The following XPO7 variants were observed in gnomAD, a reference collection of about 807,000 sequenced individuals.
XPO7 encodes exportin-7.
XPO7 carries 21 observed loss-of-function variants against 144.3 expected under a neutral mutation model. That is an observed-to-expected ratio of 0.15 (90% CI 0.10 to 0.21). The LOEUF (loss-of-function observed/expected upper bound fraction) is 0.21. XPO7 is among the 10% of genes least tolerant of loss of function. The probability of loss-of-function intolerance (pLI) is 1.00; values close to 1 mark genes in which losing one functional copy is unlikely to be tolerated. For synonymous variants in XPO7, 580 were observed against 499.6 expected, an observed-to-expected ratio of 1.16 and a Z score of -2.15; for missense variants, 808 against 1,325.8, an observed-to-expected ratio of 0.61 and a Z score of 6.06.
At chr8:21,938,090 A>G (rs941216211) in intron 1 of XPO7, among the ~76,000 whole-genome samples, 1 of 152,180 alleles carries the variant, frequency 6.6e-6, no homozygotes. Context: ...AATGTAACAG[A>G]TATTAACAAT....
intron 1 of XPO7, among the ~76,000 whole-genome samples, chr8:21,964,850 C>A (rs1811833917): frequency 6.6e-6 from 1 of 152,208 alleles, no homozygotes; most frequent in Non-Finnish European, 1.5e-5. Flanking sequence ...TAGACATTGT[C>A]ATGTGAACAA....
intron 1 of XPO7, among the ~76,000 whole-genome samples, chr8:21,957,972 G>C (rs779692458): frequency 2.0e-5 from 3 of 151,800 alleles, no homozygotes; most frequent in Non-Finnish European, 2.9e-5. Context: ...CTGAAGTGCT[G>C]TCTATGTCTA....
chr8:21,947,513 C>A (rs1811230733), intron 1 of XPO7, among the ~76,000 whole-genome samples: 1 of 152,118 alleles, frequency 6.6e-6, no homozygotes, highest in Non-Finnish European at 1.5e-5. Flanking sequence ...TTCAACCTTA[C>A]TAATACCATC....
chr8:21,942,327 G>A (rs1334620829), intron 1 of XPO7, among the ~76,000 whole-genome samples: 4 of 152,144 alleles, frequency 2.6e-5, no homozygotes, highest in Non-Finnish European at 5.9e-5. Context: ...AATATTTGCT[G>A]TAGAAATTAA....
chr8:21,947,198 AGTAACAGC>A (rs1270410842), intron 1 of XPO7, among the ~76,000 whole-genome samples: 1 of 152,236 alleles, frequency 6.6e-6, no homozygotes, highest in Non-Finnish European at 1.5e-5. Flanking sequence ...AATAAGGGAC[AGTAACAGC>A]GTAACACAGG....
chr8:21,995,085 TAAA>T (rs1353512711), intron 20 of XPO7, among the ~76,000 whole-genome samples: 1 of 147,830 alleles, frequency 6.8e-6, no homozygotes, highest in African/African-American at 2.6e-5. Context: ...ATAATAATAA[TAAA>T]CAGCTTTTAC....
At chr8:21,930,244 G>C (rs535390296) in intron 1 of XPO7, among the ~76,000 whole-genome samples, 1 of 152,088 alleles carries the variant, frequency 6.6e-6, no homozygotes, top group Admixed American at 6.6e-5. Context: ...TGGTTATTTG[G>C]TGAGATACAC....
At chr8:21,941,831 A>T (rs531689982) in intron 1 of XPO7, among the ~76,000 whole-genome samples, 1 of 152,186 alleles carries the variant, frequency 6.6e-6, no homozygotes, top group Non-Finnish European at 1.5e-5. Flanking sequence ...GGCGCATGCC[A>T]CCAGTAGTGA....
At chr8:21,983,170 T>C (rs746489485) in intron 11 of XPO7, among the ~76,000 whole-genome samples, 1 of 152,252 alleles carries the variant, frequency 6.6e-6, no homozygotes, top group Non-Finnish European at 1.5e-5. Flanking sequence ...GTGCTTAATG[T>C]GAACTCCTAA....
chr8:21,924,945 A>T (rs920207250), intron 1 of XPO7, among the ~76,000 whole-genome samples: 1 of 152,192 alleles, frequency 6.6e-6, no homozygotes, highest in African/African-American at 2.4e-5. Context: ...AGACACATAG[A>T]AGGAAATACA....
chr8:21,921,946 A>T (rs1472886757), intron 1 of XPO7, among the ~76,000 whole-genome samples: 1 of 152,138 alleles, frequency 6.6e-6, no homozygotes, highest in Admixed American at 6.5e-5. Context: ...GTGGCAGAAA[A>T]CCTTCTTATG....
chr8:21,956,734 CTT>C (rs1221638524), intron 1 of XPO7, among the ~76,000 whole-genome samples: 2 of 143,766 alleles, frequency 1.4e-5, no homozygotes, highest in Admixed American at 7.0e-5. Context: ...CTTTGAATGT[CTT>C]TTTTTTTTTT....
chr8:21,993,445 G>A (rs953519267), intron 19 of XPO7, among the ~76,000 whole-genome samples: 2 of 152,176 alleles, frequency 1.3e-5, no homozygotes, highest in Non-Finnish European at 2.9e-5. Context: ...AACGTGTCAA[G>A]ATCCCCAAAT....
chr8:21,921,719 A>G (rs1038837410), intron 1 of XPO7: 2 of 152,204 alleles, frequency 1.3e-5, no homozygotes, highest in Non-Finnish European at 2.9e-5. Flanking sequence ...AACAAAGGGG[A>G]GCATGTTGAT....
At chr8:21,982,511 C>A in intron 10 of XPO7, 129 bp from the exon 11 acceptor site, 1 of 1,108,206 alleles carries the variant, frequency 9.0e-7, no homozygotes, top group Non-Finnish European at 1.2e-6. Flanking sequence ...ATACACAGAA[C>A]AAAGCCCACA....
At chr8:21,977,108 G>T (rs181744433) in intron 7 of XPO7, among the ~76,000 whole-genome samples, 130 of 152,234 alleles carry the variant, frequency 8.5e-4, no homozygotes, top group Non-Finnish European at 1.6e-3. Flanking sequence ...AATCTATTTA[G>T]GGTAATAACT....
At chr8:21,949,793 C>T (rs1238073122) in intron 1 of XPO7, among the ~76,000 whole-genome samples, 1 of 152,100 alleles carries the variant, frequency 6.6e-6, no homozygotes, top group Non-Finnish European at 1.5e-5. Flanking sequence ...GCAGTAGCAC[C>T]ATCTCGGCTC....
chr8:21,942,952 A>C (rs911077855), intron 1 of XPO7, among the ~76,000 whole-genome samples: 1 of 152,222 alleles, frequency 6.6e-6, no homozygotes, highest in African/African-American at 2.4e-5. Flanking sequence ...CTCCCAGTGC[A>C]CTTTGATGCT....
chr8:21,972,952 G>C (rs562653146), intron 5 of XPO7, among the ~76,000 whole-genome samples: 8 of 152,172 alleles, frequency 5.3e-5, no homozygotes, highest in Non-Finnish European at 1.0e-4. Flanking sequence ...AATAATAACA[G>C]CTTACACTTT....
Sources: allele counts gnomAD v4.1 joint callset (sites outside exome capture counted in the v4.1 genomes callset), GRCh38; gene constraint gnomAD v4.1.1; transcripts MANE v1.5; gene names NCBI Gene and HGNC (gene_info 2026-07-23, HGNC 2026-07-21).